Variants in TRMU observed in about 807,000 individuals in gnomAD.
TRMU encodes mitochondrial tRNA-specific 2-thiouridylase 1.
In TRMU, 49 loss-of-function variants were observed where a neutral mutation model predicts 46.9. The observed-to-expected ratio is 1.05, with a 90% CI of 0.83 to 1.33. The LOEUF is 1.33. Among genes scored for constraint, TRMU ranks in the 40% most tolerant of loss-of-function variants. The pLI is 0.00. For missense variants in TRMU, 572 were observed against 532.4 expected (o/e 1.07, Z -0.73); for synonymous variants, 241 against 200.9 (o/e 1.20, Z -1.69).
chr22:46,340,422 T>C (rs1400657159), intron 2 of TRMU, among the ~76,000 whole-genome samples: 1 of 152,212 alleles, frequency 6.6e-6, no homozygotes, highest in Non-Finnish European at 1.5e-5. Context: ...GCACAGCTTT[T>C]TCAGAACGTA....
In TRMU at chr22:46,342,275, C is replaced by T. The variant is rs1158964363; in HGVS notation, c.249-987C>T. On this transcript the variant is annotated intron_variant, in intron 2 of 10. Transcript: ENST00000645190. The surrounding 1 kb of genome is among the most constrained non-coding windows in gnomAD (Gnocchi z 4.7). ...ATTTGCTGGAGTGGTTCACAGAACT[C>T]AGAAAAACACATTTACCAGTTTATT... Among the ~76,000 whole-genome samples, 4 of 152,102 alleles carry T rather than the reference C, an allele frequency of 2.6e-5. No homozygotes were observed. The highest frequency in any genetic ancestry group is 9.7e-5 in the African/African-American group (4 of 41,422).
intron 4 of TRMU, among the ~76,000 whole-genome samples, 188 bp downstream of exon 4, chr22:46,346,732 G>A (rs924030732): frequency 6.6e-6 from 1 of 152,248 alleles, no homozygotes; most frequent in Non-Finnish European, 1.5e-5. Flanking sequence ...GCCTGTGATT[G>A]GGTAGTAAAC....
Position 46,348,163 on chromosome 22 carries a change from T to C in TRMU, c.478+1619T>C, listed in dbSNP as rs762183392. On this transcript the variant is annotated intron_variant, in intron 4 of 10. Transcript: ENST00000645190. The surrounding 1 kb of genome is among the most constrained non-coding windows in gnomAD (Gnocchi z 4.8). The stretch of plus-strand genomic sequence containing the variant: ...CTCCAGGGTGGAATTCACCAAGTAA[T>C]TGTGCATTTACGGGGCCTGAGGAGA... Among the ~76,000 whole-genome samples, 11 of 152,156 alleles carry C rather than the reference T, an allele frequency of 7.2e-5. No individual in the cohort carries two copies. The highest frequency in any genetic ancestry group is 1.3e-4 in the Non-Finnish European group (9 of 68,020).
At chr22:46,344,616 C>T (rs913094120) in intron 3 of TRMU, among the ~76,000 whole-genome samples, 3 of 152,098 alleles carry the variant, frequency 2.0e-5, no homozygotes, top group African/African-American at 4.8e-5. Flanking sequence ...TAAGCTGTCA[C>T]GAAAGCTTTT....
rs187483710 is a variant in TRMU at position 46,349,805 on chromosome 22, C to T, written c.479-486C>T. On this transcript the variant is annotated intron_variant, in intron 4 of 10. Coordinates refer to ENST00000645190, the MANE Select transcript of TRMU (RefSeq NM_018006.5). The surrounding 1 kb of genome is among the most constrained non-coding windows in gnomAD (Gnocchi z 4.6). ...TTCACAGGTAGGGCGCTGCTGGAGG[C>T]ATGTGCTGGCCGCCGGGCAGTGAAC... Among the ~76,000 whole-genome samples the T allele has an allele frequency of 6.6e-6, 1 of 152,338 alleles. No homozygotes were observed. The highest frequency in any genetic ancestry group is 1.9e-4 in the East Asian group (1 of 5,190).
Position 46,349,333 on chromosome 22 carries a change from G to A in TRMU, c.479-958G>A, listed in dbSNP as rs1391403211. On this transcript the variant is annotated intron_variant, in intron 4 of 10. Coordinates refer to ENST00000645190, the MANE Select transcript of TRMU (RefSeq NM_018006.5). This position sits in a 1 kb window ranked among gnomAD's most constrained non-coding sequence, Gnocchi z 4.6. ...TTGGGCGAGTCATATGTGATGAACTGGGCCGGCTCCAGTCTCCCCTCTGTA... is the reference window on the plus strand; with the variant it reads ...TTGGGCGAGTCATATGTGATGAACTAGGCCGGCTCCAGTCTCCCCTCTGTA... 6.6e-6 allele frequency among the ~76,000 whole-genome samples: 1 copy of A among 152,144 alleles called. No individual in the cohort carries two copies. The highest frequency in any genetic ancestry group is 1.5e-5 in the Non-Finnish European group (1 of 68,026).
rs530281352 is a variant in TRMU at position 46,350,389 on chromosome 22, G to C, written c.577G>C (p.Gly193Arg). ...CCTGAGGAGAACCATCTTCCCTCTG[G>C]GGGGATTAACGAAAGAGTTTGTAAA... ...DALRRTIFPLGGLTKEFVKKI... is the reference protein window; with the variant it reads ...DALRRTIFPLRGLTKEFVKKI... Residue 193 changes from glycine (G) to arginine (R), a missense_variant, in exon 5 of 11, where the codon GGG (glycine) becomes CGG (arginine). Physicochemically the swap from Gly to Arg is moderately radical, Grantham distance 125. Coordinates refer to ENST00000645190, the MANE Select transcript of TRMU (RefSeq NM_018006.5). This position sits in a 1 kb window ranked among gnomAD's most constrained non-coding sequence, Gnocchi z 4.6. The C allele has an allele frequency of 6.2e-7, 1 of 1,614,062 alleles. No homozygotes were observed. Among genetic ancestry groups the C allele is most frequent in the African/African-American group, 1.3e-5 (1 of 74,922 alleles).
chr22:46,354,255 GC>G, intron 8 of TRMU: 1 of 299,734 alleles, frequency 3.3e-6, no homozygotes, highest in South Asian at 3.1e-5. Context: ...GGTGCAGATG[GC>G]CAAGCCAGGA....
At position 46,346,260 on chromosome 22, in the gene TRMU, G is replaced by C. The variant is rs6008768; in HGVS notation, c.356-162G>C. Among the ~76,000 whole-genome samples, 27,921 of 152,208 alleles carry C rather than the reference G, an allele frequency of 0.18. 6,992 individuals are homozygous for C. Among genetic ancestry groups the C allele is most frequent in the African/African-American group, 0.57 (23,661 of 41,446 alleles). ...TTGTTTGATGAAATTGGATGTGTGC[G>C]TCTGTTCCCTGGGATCTCTATGTTT... is the stretch of plus-strand genomic sequence containing the variant. On this transcript the variant is annotated intron_variant, in intron 3 of 10. Transcript: ENST00000645190.
intron 10 of TRMU, chr22:46,356,336 C>G: frequency 1.9e-6 from 1 of 524,008 alleles, no homozygotes; most frequent in Non-Finnish European, 3.5e-6. Context: ...GCCCCAGAAG[C>G]GAGGACAGAA....
At position 46,342,132 on chromosome 22, in the gene TRMU, GTCCCCCAGACGGAC is replaced by G. The variant is rs2078138104; in HGVS notation, c.249-1123_249-1110del. Among the ~76,000 whole-genome samples, 1 of 152,214 alleles carries G rather than the reference GTCCCCCAGACGGAC, an allele frequency of 6.6e-6. No homozygotes were observed. Among genetic ancestry groups the G allele is most frequent in the Admixed American group, 6.5e-5 (1 of 15,288 alleles). ...CTGGATCCCAAAGGTTGGGGGTTCA[GTCCCCCAGACGGAC>G]TCCCCCCACAACAGCAGTCGAAAGT... On this transcript the variant is annotated intron_variant, in intron 2 of 10. Coordinates refer to ENST00000645190, the MANE Select transcript of TRMU (RefSeq NM_018006.5). This position sits in a 1 kb window ranked among gnomAD's most constrained non-coding sequence, Gnocchi z 4.7.
intron 7 of TRMU, chr22:46,353,514 CCTT>C (rs1345683382): frequency 4.2e-5 from 18 of 428,320 alleles, no homozygotes; most frequent in Middle Eastern, 7.3e-4. Flanking sequence ...GGAACCTGCA[CCTT>C]CTGGGGCACA....
rs2078598957 is a variant in TRMU at position 46,356,085 on chromosome 22, T to TG, written c.1101+18dup. ...TGCCACAGGACAGGTGCGTGGGGTG[T>TG]GGGGGTGAGCCCGGGGAGGACTGTA... On this transcript the variant is annotated intron_variant, in intron 10 of 10. Coordinates refer to ENST00000645190, the MANE Select transcript of TRMU (RefSeq NM_018006.5). 2 of 1,613,592 alleles carry TG rather than the reference T, an allele frequency of 1.2e-6. No homozygotes were observed. Among genetic ancestry groups the TG allele is most frequent in the South Asian group, 1.1e-5 (1 of 91,064 alleles).
Position 46,342,044 on chromosome 22 carries a change from AG to A in TRMU, c.249-1217del, listed in dbSNP as rs921496290. ...TGTGGGGGGTTTTCCCCATACAGCA[AG>A]CAGTGGACACCGACTGGGTGTCCTC... On this transcript the variant is annotated intron_variant, in intron 2 of 10. Coordinates refer to ENST00000645190, the MANE Select transcript of TRMU (RefSeq NM_018006.5). The surrounding 1 kb of genome is among the most constrained non-coding windows in gnomAD (Gnocchi z 4.7). 2.0e-5 allele frequency among the ~76,000 whole-genome samples: 3 copies of A among 152,208 alleles called. No individual in the cohort carries two copies. Among genetic ancestry groups the A allele is most frequent in the African/African-American group, 7.2e-5 (3 of 41,446 alleles).
chr22:46,344,149 AG>A (rs1315050592), intron 3 of TRMU, among the ~76,000 whole-genome samples: 1 of 152,222 alleles, frequency 6.6e-6, no homozygotes, highest in Non-Finnish European at 1.5e-5. Context: ...TCCTAGGACA[AG>A]ATTGGAAAGA....
intron 10 of TRMU, chr22:46,356,442 G>C: frequency 2.3e-6 from 1 of 427,424 alleles, no homozygotes; most frequent in Non-Finnish European, 4.3e-6. Flanking sequence ...CGCCTGGTGG[G>C]TGTAGGCCTG....
Position 46,350,572 on chromosome 22 carries a change from T to TAACA in TRMU, c.651+110_651+113dup. The TAACA allele has an allele frequency of 1.4e-6, 2 of 1,384,744 alleles. No homozygotes were observed. Among genetic ancestry groups the TAACA allele is most frequent in the African/African-American group, 2.8e-5 (2 of 70,186 alleles). The allele number at this position is 1,384,744 out of a possible 1,614,324, so 85.8% of individuals were successfully genotyped here. A position where few individuals can be genotyped will look rare whatever the true frequency, so the allele number is the denominator to read the frequency against. ...GCACCACTTCCCCTTCTCCAGGACC[T>TAACA]AACATCAAAGGCGGGCCTTGGAGCA... On this transcript the variant is annotated intron_variant, in intron 5 of 10. Transcript: ENST00000645190. The surrounding 1 kb of genome is among the most constrained non-coding windows in gnomAD (Gnocchi z 4.6).
chr22:46,346,613 T>C lies in TRMU; in HGVS notation c.478+69T>C, dbSNP rs1041522189. ...ATTGAAATCTTTGGAGGAATGACAG[T>C]GGGTTGTGCCTGAGGATCACTGCCA... is the stretch of plus-strand genomic sequence containing the variant. On this transcript the variant is annotated intron_variant, in intron 4 of 10. Coordinates refer to ENST00000645190, the MANE Select transcript of TRMU (RefSeq NM_018006.5). 1.9e-6 allele frequency: 3 copies of C among 1,563,840 alleles called. No individual in the cohort carries two copies. In the African/African-American group the frequency reaches 4.1e-5, roughly 21 times the overall value.
In TRMU at chr22:46,357,159, A is replaced by G; in HGVS notation, c.*153A>G. ...CCGAAAAGCCTGCAGGGGCCCGGCG[A>G]GCCCCAGGAAGAGCCTCAGCTCCAG... On this transcript the variant is annotated 3_prime_UTR_variant, in exon 11 of 11. Coordinates refer to ENST00000645190, the MANE Select transcript of TRMU (RefSeq NM_018006.5). 9.9e-7 allele frequency: 1 copy of G among 1,005,672 alleles called. No individual in the cohort carries two copies. Among genetic ancestry groups the G allele is most frequent in the Non-Finnish European group, 1.5e-6 (1 of 672,646 alleles). The allele number at this position is 1,005,672 out of a possible 1,614,324, so 62.3% of individuals were successfully genotyped here. A position where few individuals can be genotyped will look rare whatever the true frequency, so the allele number is the denominator to read the frequency against.
Sources: gnomAD v4.1 joint callset for allele counts (sites outside exome capture counted in the v4.1 genomes callset) on GRCh38, gnomAD v4.1.1 for gene constraint, Gnocchi (gnomAD v3.1) non-coding constraint, MANE v1.5 for transcripts, NCBI Gene and HGNC (gene_info 2026-07-23, HGNC 2026-07-21) for gene names.